The following ARHGAP15 variants were observed in gnomAD, a reference collection of about 807,000 sequenced individuals.
ARHGAP15 encodes rho GTPase-activating protein 15.
ARHGAP15 carries 51 observed loss-of-function variants against 63.7 expected under a neutral mutation model. That is an observed-to-expected ratio of 0.80 (90% CI 0.64 to 1.01). The LOEUF (loss-of-function observed/expected upper bound fraction) is 1.01, where lower values mean the gene tolerates loss of function less well. Ranked by LOEUF, ARHGAP15 falls within the 50% of genes least tolerant of loss-of-function variation. The pLI is 0.00. For missense variants in ARHGAP15, 560 were observed against 564.6 expected, an observed-to-expected ratio of 0.99 and a Z score of 0.08; for synonymous variants, 191 against 193.8, an observed-to-expected ratio of 0.99 and a Z score of 0.12.
rs145568101 is a variant in ARHGAP15, at chr2:143,169,499, T to C, written c.165+13844T>C. Among the ~76,000 whole-genome samples, 457 of 152,226 alleles carry C rather than the reference T, an allele frequency of 3.0e-3. 3 individuals are homozygous for C. The highest frequency in any genetic ancestry group is 0.01 in the African/African-American group (431 of 41,580). ...TTCAGTATAACTTTTCCGAGTTGCC[T>C]CCTAGGTAGGAAGAAGCTTTTGAAA... is the stretch of plus-strand genomic sequence containing the variant. On this transcript the variant is annotated intron_variant, in intron 2 of 13. Coordinates refer to ENST00000295095, the MANE Select transcript of ARHGAP15 (RefSeq NM_018460.4).
At chr2:143,285,837 C>G (rs1682069106) in intron 6 of ARHGAP15, among the ~76,000 whole-genome samples, 1 of 152,118 alleles carries the variant, frequency 6.6e-6, no homozygotes, top group Non-Finnish European at 1.5e-5. Context: ...AAAACTCTGT[C>G]TTTAGTGTGT....
chr2:143,164,161 A>G (rs1464087199), intron 2 of ARHGAP15, among the ~76,000 whole-genome samples: 1 of 152,024 alleles, frequency 6.6e-6, no homozygotes, highest in Non-Finnish European at 1.5e-5. Context: ...TATTGTTACC[A>G]TCTGTTTAAT....
intron 8 of ARHGAP15, among the ~76,000 whole-genome samples, chr2:143,460,463 C>T (rs529070127): frequency 6.6e-5 from 10 of 152,216 alleles, no homozygotes; most frequent in African/African-American, 1.9e-4. Flanking sequence ...TATCTAGACA[C>T]TGAAAACATA....
chr2:143,425,168 A>G (rs543205620), intron 6 of ARHGAP15, among the ~76,000 whole-genome samples: 40 of 152,210 alleles, frequency 2.6e-4, no homozygotes, highest in African/African-American at 9.4e-4. Context: ...AAGGAGTGTT[A>G]AGATATTTTT....
At chr2:143,547,486 G>A (rs1695381229) in intron 10 of ARHGAP15, among the ~76,000 whole-genome samples, 1 of 151,898 alleles carries the variant, frequency 6.6e-6, no homozygotes, top group South Asian at 2.1e-4. Context: ...ACAGCAAATG[G>A]AAACCAGGAA....
intron 13 of ARHGAP15, among the ~76,000 whole-genome samples, chr2:143,712,800 C>CT (rs1168267289): frequency 1.3e-5 from 1 of 78,116 alleles, no homozygotes; most frequent in Non-Finnish European, 2.8e-5. Context: ...CACCCTTCAG[C>CT]TTTAAAAAAA....
At chr2:143,473,579 C>T (rs1224327185) in intron 8 of ARHGAP15, among the ~76,000 whole-genome samples, 1 of 152,160 alleles carries the variant, frequency 6.6e-6, no homozygotes, top group Non-Finnish European at 1.5e-5. Context: ...TCTTTCTCAC[C>T]ATTCACAGTG....
chr2:143,168,281 A>T (rs1257447486), intron 2 of ARHGAP15, among the ~76,000 whole-genome samples: 2 of 152,066 alleles, frequency 1.3e-5, no homozygotes, highest in South Asian at 4.1e-4. Context: ...AAGTGCAAGC[A>T]ATCCTCCTGT....
chr2:143,183,954 G>A (rs772661835), intron 2 of ARHGAP15, among the ~76,000 whole-genome samples: 28 of 152,194 alleles, frequency 1.8e-4, no homozygotes, highest in African/African-American at 6.5e-4. Context: ...TTGAGAGCTC[G>A]TTCTTTCTCT....
rs547650541 is a variant in ARHGAP15 at position 143,585,770 on chromosome 2, T to C, written c.1003+29285T>C. ...AGATAGTCTTCCAAGTTATTTAGGA[T>C]TTTATTATTGAAAATGTTATATTAT... On this transcript the variant is annotated intron_variant, in intron 11 of 13. Transcript: ENST00000295095. Among the ~76,000 whole-genome samples, 260 of 152,306 alleles carry C rather than the reference T, an allele frequency of 1.7e-3. 1 individual carries two copies. The South Asian group carries it at 0.019, about 11-fold the overall frequency.
Position 143,388,430 on chromosome 2 carries a change from G to A in ARHGAP15, c.475-47171G>A, listed in dbSNP as rs1034682823. Among the ~76,000 whole-genome samples the A allele has an allele frequency of 7.2e-5, 11 of 152,234 alleles. No individual in the cohort carries two copies. The South Asian group carries it at 1.0e-3, about 14-fold the overall frequency. ...TGTATCACTGAATTGGCACTCTAAC[G>A]AAATCAAAAGTAGAAATTATGTGAT... On this transcript the variant is annotated intron_variant, in intron 6 of 13. Transcript: ENST00000295095.
chr2:143,643,465 A>G (rs1399757762), intron 12 of ARHGAP15, among the ~76,000 whole-genome samples: 3 of 137,588 alleles, frequency 2.2e-5, no homozygotes, highest in Non-Finnish European at 4.6e-5. Flanking sequence ...AGTGTTACTG[A>G]AAGTATACTT....
At chr2:143,746,204 C>A (rs979391097) in intron 13 of ARHGAP15, among the ~76,000 whole-genome samples, 2 of 152,110 alleles carry the variant, frequency 1.3e-5, no homozygotes, top group East Asian at 1.9e-4. Context: ...ATTTTTGATA[C>A]CTTAACCTAA....
chr2:143,237,158 GATAT>G (rs934667260), intron 5 of ARHGAP15: 1 of 151,916 alleles, frequency 6.6e-6, no homozygotes, highest in Non-Finnish European at 1.5e-5. Flanking sequence ...TTAGGGAACT[GATAT>G]ATATATCAGT....
At chr2:143,368,523 A>C (rs1231024126) in intron 6 of ARHGAP15, among the ~76,000 whole-genome samples, 2 of 152,092 alleles carry the variant, frequency 1.3e-5, no homozygotes, top group Admixed American at 1.3e-4. Context: ...AAGTGACATG[A>C]TCAGATTTGA....
intron 9 of ARHGAP15, among the ~76,000 whole-genome samples, chr2:143,494,681 A>G (rs1489399724): frequency 1.3e-5 from 2 of 152,076 alleles, no homozygotes; most frequent in East Asian, 1.9e-4. Flanking sequence ...CTGATGGGCA[A>G]TAGTTGTCCA....
intron 4 of ARHGAP15, among the ~76,000 whole-genome samples, chr2:143,226,230 C>A (rs1261704519): frequency 6.6e-6 from 1 of 152,130 alleles, no homozygotes; most frequent in Non-Finnish European, 1.5e-5. Flanking sequence ...CTAACCAGTT[C>A]CATTTCCAAG....
At chr2:143,388,313 T>A (rs1173550148) in intron 6 of ARHGAP15, among the ~76,000 whole-genome samples, 2 of 152,176 alleles carry the variant, frequency 1.3e-5, no homozygotes, top group Non-Finnish European at 2.9e-5. Context: ...TAAAAGAATT[T>A]TTCCCAAATT....
chr2:143,549,016 A>G (rs1473693490), intron 10 of ARHGAP15, among the ~76,000 whole-genome samples: 1 of 152,184 alleles, frequency 6.6e-6, no homozygotes, highest in Non-Finnish European at 1.5e-5. Flanking sequence ...ACATGAAATG[A>G]GAGATGTACT....
Sources: gnomAD v4.1 joint callset for allele counts (sites outside exome capture counted in the v4.1 genomes callset) on GRCh38, gnomAD v4.1.1 for gene constraint, MANE v1.5 for transcripts, NCBI Gene and HGNC (gene_info 2026-07-23, HGNC 2026-07-21) for gene names.